ABCA5: variants seen among roughly 807,000 people sequenced by gnomAD.
The protein encoded by ABCA5 is cholesterol transporter ABCA5.
Under a neutral mutation model 206.0 loss-of-function variants are expected in ABCA5, and 163 were observed. The ratio of observed to expected loss-of-function variants is 0.79; its 90% confidence interval spans 0.70 to 0.90. The LOEUF (loss-of-function observed/expected upper bound fraction) is 0.90. Among genes scored for constraint, ABCA5 ranks in the 40% least tolerant of loss-of-function variants. The pLI, the probability that ABCA5 is intolerant of heterozygous loss-of-function variation, is 0.00. For missense variants in ABCA5, 1,859 were observed against 1,912.9 expected (o/e 0.97, Z 0.53); for synonymous variants, 609 against 613.8 (o/e 0.99, Z 0.11).
chr17:69,271,426 G>T, intron 20 of ABCA5, 137 bp from the exon 21 acceptor site: 1 of 939,288 alleles, frequency 1.1e-6, no homozygotes, highest in South Asian at 2.2e-5. Context: ...TGGCTCTGAA[G>T]CCAGTCAGCC....
At chr17:69,273,885 A>G (rs2075301767) in intron 20 of ABCA5, 74 bp downstream of exon 20, 3 of 1,403,838 alleles carry the variant, frequency 2.1e-6, no homozygotes, top group Non-Finnish European at 2.9e-6. Flanking sequence ...TAGTTTTAAA[A>G]TCCAGACCTT....
In ABCA5 at chr17:69,247,497, A is replaced by G. The variant is rs2074963869; in HGVS notation, c.*40T>C. The G allele has an allele frequency of 2.2e-6, 3 of 1,367,480 alleles. No homozygotes were observed. Among genetic ancestry groups the G allele is most frequent in the Non-Finnish European group, 3.0e-6 (3 of 997,078 alleles). 84.7% of individuals were successfully genotyped at this position (1,367,480 alleles called of 1,614,324 possible). ...TAAACCAAAGTTAAAATTAAGTGAAAAAGAAAGAAGTCCCAGTAAGCAGAC... is the reference window on the plus strand; with the variant it reads ...TAAACCAAAGTTAAAATTAAGTGAAGAAGAAAGAAGTCCCAGTAAGCAGAC... On this transcript the variant is annotated 3_prime_UTR_variant, in exon 39 of 39. Transcript: ENST00000392676.
intron 19 of ABCA5, among the ~76,000 whole-genome samples, chr17:69,275,435 AC>A (rs927718633): frequency 6.6e-6 from 1 of 151,952 alleles, no homozygotes; most frequent in African/African-American, 2.4e-5. Flanking sequence ...AATTTCACAT[AC>A]CCCGTAATTT....
chr17:69,273,352 C>T (rs2075293594), intron 20 of ABCA5, among the ~76,000 whole-genome samples: 1 of 151,792 alleles, frequency 6.6e-6, no homozygotes, highest in Non-Finnish European at 1.5e-5. Flanking sequence ...ATATTTTGCT[C>T]ATCATGGACT....
At chr17:69,310,810 C>T (rs2075760862) in intron 3 of ABCA5, among the ~76,000 whole-genome samples, 1 of 152,206 alleles carries the variant, frequency 6.6e-6, no homozygotes, top group Non-Finnish European at 1.5e-5. Flanking sequence ...GATTTGAACT[C>T]TTCAGACTTT....
At chr17:69,276,668 G>A (rs543902853) in intron 19 of ABCA5, among the ~76,000 whole-genome samples, 4 of 152,130 alleles carry the variant, frequency 2.6e-5, no homozygotes, top group Non-Finnish European at 4.4e-5. Flanking sequence ...GTTGGGACTG[G>A]GGAGGGATAG....
At chr17:69,263,511 C>T (rs2075172676) in intron 24 of ABCA5, among the ~76,000 whole-genome samples, 1 of 151,950 alleles carries the variant, frequency 6.6e-6, no homozygotes, top group Non-Finnish European at 1.5e-5. Context: ...TTATTTTTAT[C>T]AATTTTGTTG....
At position 69,251,754 on chromosome 17, in the gene ABCA5, G is replaced by T; in HGVS notation, c.4528C>A (p.Gln1510Lys). ...CDRVAIMVSG[Q>K]LRCIGTVQHL... ...CGCTATTTAGACATCAACCTTAACT[G>T]CCCAGACACCATGATAGCTACTCGA... The change falls in exon 35 of 39, where the codon CAG (glutamine) becomes AAG (lysine). Residue 1510 changes from glutamine (Q) to lysine (K), a missense_variant. Gln to Lys is a moderately conservative substitution (Grantham distance 53). Transcript: ENST00000392676. 1 of 1,613,368 alleles carries T rather than the reference G, an allele frequency of 6.2e-7. No homozygotes were observed. The highest frequency in any genetic ancestry group is 8.5e-7 in the Non-Finnish European group (1 of 1,179,856).
rs1245368665 is a variant in ABCA5, at chr17:69,284,036, C to T, written c.2309G>A (p.Gly770Asp). ...CATGGAAACACCATAAGAAATGACA[C>T]CCAAATTTGAATGACTGTCTAGGGC... ...FSALDSHSNL[G>D]VISYGVSMTT... The change falls in exon 18 of 39, where the codon GGT becomes GAT. Residue 770 changes from glycine (G) to aspartate (D), a missense_variant. Coordinates refer to ENST00000392676, the MANE Select transcript of ABCA5 (RefSeq NM_172232.4). 1.2e-6 allele frequency: 2 copies of T among 1,604,872 alleles called. No homozygotes were observed. The highest frequency in any genetic ancestry group is 1.1e-5 in the South Asian group (1 of 89,106).
At position 69,287,857 on chromosome 17, in the gene ABCA5, A is replaced by G. The variant is rs183108288; in HGVS notation, c.1903-106T>C. The G allele has an allele frequency of 3.2e-5, 35 of 1,090,154 alleles. No individual in the cohort carries two copies. In the African/African-American group the frequency reaches 5.4e-4, roughly 17 times the overall value. The allele number at this position is 1,090,154 out of a possible 1,614,324, so 67.5% of individuals were successfully genotyped here. On this transcript the variant is annotated intron_variant, in intron 14 of 38. Transcript: ENST00000392676. ...GCCCCATTTCAAATTATTATTTTCAATCAGAAATATATTAGATCAGATTTT... is the reference window on the plus strand; with the variant it reads ...GCCCCATTTCAAATTATTATTTTCAGTCAGAAATATATTAGATCAGATTTT...
intron 13 of ABCA5, 127 bp downstream of exon 13, chr17:69,289,735 T>C (rs548335193): frequency 1.7e-4 from 129 of 740,096 alleles, no homozygotes; most frequent in African/African-American, 1.6e-3. Context: ...TTGTAATAGC[T>C]TTCTGTTTGC....
At position 69,301,015 on chromosome 17, in the gene ABCA5, C is replaced by T. The variant is rs1162063946; in HGVS notation, c.1267+124G>A. 5.0e-6 allele frequency: 4 copies of T among 797,848 alleles called. No homozygotes were observed. The African/African-American group carries it at 5.4e-5, about 11-fold the overall frequency. The allele number at this position is 797,848 out of a possible 1,614,324, so 49.4% of individuals were successfully genotyped here. On this transcript the variant is annotated intron_variant, in intron 9 of 38. Transcript: ENST00000392676. Reference sequence around the variant, plus strand: ...TACTTATTTAAAGTCAAATTAAAAGCTTTAACAATGAATATGACTTAGGGT... The same window carrying T: ...TACTTATTTAAAGTCAAATTAAAAGTTTTAACAATGAATATGACTTAGGGT...
At chr17:69,308,425 T>C (rs2075740740) in intron 4 of ABCA5, 57 bp from the exon 5 acceptor site, 2 of 1,187,030 alleles carry the variant, frequency 1.7e-6, no homozygotes, top group Non-Finnish European at 1.3e-6. Context: ...GTGCATCGTT[T>C]TAAAGATATT....
intron 7 of ABCA5, chr17:69,304,156 A>G (rs1024172787): frequency 6.6e-6 from 1 of 152,136 alleles, no homozygotes; most frequent in Admixed American, 6.6e-5. Flanking sequence ...ACATTTAACA[A>G]CTGATACAGG....
chr17:69,255,845 T>C lies in ABCA5; in HGVS notation c.3864A>G (p.Pro1288=). ...LMGCQCCEEK[P]SIMVSNLHKE... is the part of the protein sequence containing the mutation. ...TATGCAAATTGCTGACCATAATGGA[T>C]GGTTTCTAATAAGAAAAATTGTATT... The change falls in exon 30 of 39, where the codon CCA becomes CCG. Residue 1288 remains proline (P), a synonymous_variant. Coordinates refer to ENST00000392676, the MANE Select transcript of ABCA5 (RefSeq NM_172232.4). The C allele has an allele frequency of 4.5e-6, 7 of 1,550,006 alleles. No individual in the cohort carries two copies. Among genetic ancestry groups the C allele is most frequent in the Non-Finnish European group, 6.1e-6 (7 of 1,148,266 alleles).
intron 15 of ABCA5, 34 bp from the exon 16 acceptor site, chr17:69,286,345 GTA>G: frequency 6.5e-7 from 1 of 1,538,418 alleles, no homozygotes; most frequent in Non-Finnish European, 8.8e-7. Context: ...AATTTCTAAA[GTA>G]TCAACAGCAT....
At chr17:69,263,143 T>G (rs2075168072) in intron 24 of ABCA5, among the ~76,000 whole-genome samples, 1 of 152,200 alleles carries the variant, frequency 6.6e-6, no homozygotes, top group Non-Finnish European at 1.5e-5. Flanking sequence ...TTGGCCTTTG[T>G]TGGATGCATA....
In ABCA5 at chr17:69,289,207, T is replaced by C. The variant is rs372714192; in HGVS notation, c.1872A>G (p.Ser624=). The C allele has an allele frequency of 6.2e-7, 1 of 1,609,368 alleles. No homozygotes were observed. Among genetic ancestry groups the C allele is most frequent in the African/African-American group, 1.3e-5 (1 of 74,646 alleles). ...KLSGGQKRKL[S]LGIAVLGNPK... ...GGTTCCCAAGAACAGCAATTCCTAA[T>C]GACAGCTTTCTTTTTTGACCACCAC... is the stretch of plus-strand genomic sequence containing the variant. Residue 624 remains serine (S), a synonymous_variant, in exon 14 of 39, where the codon TCA becomes TCG. Transcript: ENST00000392676.
chr17:69,278,977 A>C (rs1297078163), intron 18 of ABCA5, among the ~76,000 whole-genome samples: 1 of 151,450 alleles, frequency 6.6e-6, no homozygotes, highest in Non-Finnish European at 1.5e-5. Context: ...AACTGGCACA[A>C]GACAGGGATG....
Sources: gnomAD v4.1 joint callset for allele counts (sites outside exome capture counted in the v4.1 genomes callset) on GRCh38, gnomAD v4.1.1 for gene constraint, MANE v1.5 for transcripts, NCBI Gene and HGNC (gene_info 2026-07-23, HGNC 2026-07-21) for gene names.